Variants in RIMS2 observed in about 807,000 individuals in gnomAD.
RIMS2 encodes the protein regulating synaptic membrane exocytosis protein 2.
A neutral mutation model predicts 174.4 loss-of-function variants in RIMS2; 59 were observed. The ratio of observed to expected loss-of-function variants is 0.34; its 90% confidence interval spans 0.27 to 0.42. RIMS2 has a LOEUF of 0.42. Ranked by LOEUF, RIMS2 falls within the 10% of genes least tolerant of loss-of-function variation. The pLI is 1.00. For missense variants in RIMS2, 1,620 were observed against 1,666.3 expected (o/e 0.97, Z 0.48); for synonymous variants, 606 against 572.5 (o/e 1.06, Z -0.84).
At chr8:103,726,054 C>T (rs937734859) in intron 2 of RIMS2, among the ~76,000 whole-genome samples, 1 of 152,116 alleles carries the variant, frequency 6.6e-6, no homozygotes, top group Admixed American at 6.5e-5. Context: ...TCTATATATA[C>T]TGAACAAATA....
chr8:104,067,009 T>A (rs980384829), intron 19 of RIMS2, among the ~76,000 whole-genome samples: 46 of 152,130 alleles, frequency 3.0e-4, no homozygotes, highest in Non-Finnish European at 5.1e-4. Context: ...TACTAAAAAA[T>A]TAAAACATTA....
At chr8:103,917,406 C>T (rs2076815969) in intron 8 of RIMS2, among the ~76,000 whole-genome samples, 1 of 152,114 alleles carries the variant, frequency 6.6e-6, no homozygotes, top group South Asian at 2.1e-4. Context: ...TTAAATCTGG[C>T]ACTTGAAATT....
chr8:103,550,537 G>T (rs2469987), intron 1 of RIMS2, among the ~76,000 whole-genome samples: 92,437 of 151,750 alleles, frequency 0.61, 28,795 homozygotes, highest in Non-Finnish European at 0.67. Flanking sequence ...AACATCACAA[G>T]TAAAAGAACT....
At chr8:104,212,919 C>T (rs1256498111) in intron 19 of RIMS2, among the ~76,000 whole-genome samples, 1 of 152,128 alleles carries the variant, frequency 6.6e-6, no homozygotes, top group Non-Finnish European at 1.5e-5. Flanking sequence ...TATAGCTCTC[C>T]GTCATACATG....
intron 19 of RIMS2, among the ~76,000 whole-genome samples, chr8:104,121,531 C>A (rs1420284243): frequency 2.6e-5 from 4 of 151,896 alleles, no homozygotes; most frequent in Admixed American, 1.3e-4. Flanking sequence ...AAAGCAAAAG[C>A]AAGAAAGGGA....
intron 1 of RIMS2, among the ~76,000 whole-genome samples, chr8:103,560,198 T>C (rs2091353590): frequency 6.6e-6 from 1 of 151,662 alleles, no homozygotes. Flanking sequence ...TCCAACAGAG[T>C]ATTAGAATTA....
At chr8:103,538,290 A>G (rs774181705) in intron 1 of RIMS2, among the ~76,000 whole-genome samples, 7 of 152,160 alleles carry the variant, frequency 4.6e-5, no homozygotes, top group African/African-American at 7.2e-5. Context: ...AATTATTGCA[A>G]TTATAACAGA....
intron 4 of RIMS2, among the ~76,000 whole-genome samples, chr8:103,888,556 A>G (rs753133999): frequency 1.3e-5 from 2 of 151,530 alleles, no homozygotes; most frequent in South Asian, 2.1e-4. Context: ...AGGTATTTCT[A>G]TTATCCTTTG....
intron 1 of RIMS2, among the ~76,000 whole-genome samples, chr8:103,541,446 A>G (rs1842535905): frequency 6.6e-6 from 1 of 152,246 alleles, no homozygotes; most frequent in South Asian, 2.1e-4. Context: ...GCTGACAGAG[A>G]TAATCACCAC....
intron 1 of RIMS2, among the ~76,000 whole-genome samples, chr8:103,669,470 G>C (rs1475436666): frequency 6.6e-6 from 1 of 152,118 alleles, no homozygotes; most frequent in African/African-American, 2.4e-5. Flanking sequence ...CATTAACTCA[G>C]AAGTCCACAG....
chr8:103,801,660 T>C (rs2098608797), intron 3 of RIMS2, among the ~76,000 whole-genome samples: 1 of 152,214 alleles, frequency 6.6e-6, no homozygotes, highest in African/African-American at 2.4e-5. Flanking sequence ...ACTTTTTACT[T>C]TTCATCTGAG....
Position 104,099,052 on chromosome 8 carries a change from G to A in RIMS2, c.3334+84437G>A, listed in dbSNP as rs371745771. 9.2e-5 allele frequency among the ~76,000 whole-genome samples: 14 copies of A among 152,270 alleles called. No individual in the cohort carries two copies. In the East Asian group the frequency reaches 2.7e-3, roughly 29 times the overall value. On this transcript the variant is annotated intron_variant, in intron 19 of 23. Transcript: ENST00000504942. Reference sequence around the variant, plus strand: ...GATTCACGCACCTTTCCATAGCTTAGATGATAGTATGCAACAAACAGGAAA... The same window carrying A: ...GATTCACGCACCTTTCCATAGCTTAAATGATAGTATGCAACAAACAGGAAA...
intron 19 of RIMS2, among the ~76,000 whole-genome samples, chr8:104,104,386 C>T (rs1024567993): frequency 6.6e-6 from 1 of 152,130 alleles, no homozygotes; most frequent in African/African-American, 2.4e-5. Flanking sequence ...AGTTAAGTCA[C>T]ACTATAGCAT....
chr8:103,966,899 T>G (rs1380700265), intron 15 of RIMS2, among the ~76,000 whole-genome samples: 1 of 151,990 alleles, frequency 6.6e-6, no homozygotes, highest in African/African-American at 2.4e-5. Context: ...TATTATTGGG[T>G]TTTGCAGTTA....
At chr8:103,791,970 T>C (rs1446693860) in intron 3 of RIMS2, among the ~76,000 whole-genome samples, 3 of 152,092 alleles carry the variant, frequency 2.0e-5, no homozygotes, top group Non-Finnish European at 4.4e-5. Flanking sequence ...ACAATAATAA[T>C]GGGACACTTT....
intron 19 of RIMS2, among the ~76,000 whole-genome samples, chr8:104,159,581 AT>A (rs891045271): frequency 2.0e-5 from 3 of 151,752 alleles, no homozygotes; most frequent in East Asian, 1.9e-4. Context: ...CCAATACTTA[AT>A]TTTTTTTGTG....
chr8:103,617,329 C>T (rs565579605), intron 1 of RIMS2, among the ~76,000 whole-genome samples: 2 of 152,280 alleles, frequency 1.3e-5, no homozygotes, highest in African/African-American at 2.4e-5. Context: ...TGAAGCTGGA[C>T]TCCTTCCTTA....
intron 2 of RIMS2, among the ~76,000 whole-genome samples, chr8:103,720,178 G>C (rs1228196585): frequency 1.3e-5 from 2 of 152,106 alleles, no homozygotes; most frequent in South Asian, 4.1e-4. Context: ...AGAGGAAGGT[G>C]CTCTGTGTTT....
intron 3 of RIMS2, among the ~76,000 whole-genome samples, chr8:103,788,966 T>G (rs953649796): frequency 2.6e-5 from 4 of 152,208 alleles, no homozygotes; most frequent in African/African-American, 9.6e-5. Flanking sequence ...CGGGATATAA[T>G]CTCGTGGTGC....
Sources: gnomAD v4.1 joint callset for allele counts (sites outside exome capture counted in the v4.1 genomes callset) on GRCh38, gnomAD v4.1.1 for gene constraint, MANE v1.5 for transcripts, NCBI Gene and HGNC (gene_info 2026-07-23, HGNC 2026-07-21) for gene names.